TAFA5: variants seen among roughly 807,000 people sequenced by gnomAD.
The protein encoded by TAFA5 is TAFA chemokine like family member 5.
In TAFA5, 6 loss-of-function variants were observed where a neutral mutation model predicts 15.3. The observed-to-expected ratio is 0.39, with a 90% confidence interval of 0.21 to 0.77. TAFA5 has a LOEUF of 0.77. TAFA5 is among the 30% of genes least tolerant of loss of function. TAFA5 has a pLI of 0.41. For missense variants in TAFA5, 161 were observed against 193.1 expected, an observed-to-expected ratio of 0.83 and a Z score of 0.98; for synonymous variants, 103 against 80.7, an observed-to-expected ratio of 1.28 and a Z score of -1.48.
intron 2 of TAFA5, among the ~76,000 whole-genome samples, chr22:48,689,318 C>A (rs1928465635): frequency 6.6e-6 from 1 of 152,174 alleles, no homozygotes; most frequent in Admixed American, 6.5e-5. Flanking sequence ...CGCCTCTCAC[C>A]CACCTGCAAA....
chr22:48,651,144 G>C (rs2147205895), intron 2 of TAFA5, among the ~76,000 whole-genome samples: 1 of 152,234 alleles, frequency 6.6e-6, no homozygotes, highest in East Asian at 1.9e-4. Flanking sequence ...GGAAATCAAA[G>C]ACTGCAGCCC....
chr22:48,510,079 A>G (rs1285272335), intron 1 of TAFA5, among the ~76,000 whole-genome samples: 1 of 152,246 alleles, frequency 6.6e-6, no homozygotes, highest in African/African-American at 2.4e-5. Flanking sequence ...ACCCGAAACT[A>G]TGAAACTGCT....
At chr22:48,553,454 T>C (rs761522231) in intron 1 of TAFA5, among the ~76,000 whole-genome samples, 7 of 152,190 alleles carry the variant, frequency 4.6e-5, no homozygotes, top group Non-Finnish European at 8.8e-5. Flanking sequence ...CAGGCTTCCC[T>C]GGCCGCATGC....
At chr22:48,653,319 T>G (rs557433864) in intron 2 of TAFA5, among the ~76,000 whole-genome samples, 1 of 152,100 alleles carries the variant, frequency 6.6e-6, no homozygotes, top group African/African-American at 2.4e-5. Context: ...AGGAAGATGG[T>G]GGGAAGAGAC....
At chr22:48,581,931 T>G (rs1175893665) in intron 1 of TAFA5, among the ~76,000 whole-genome samples, 4 of 152,146 alleles carry the variant, frequency 2.6e-5, no homozygotes, top group African/African-American at 7.2e-5. Context: ...TGCACTGCGA[T>G]CTGAGCAGAC....
intron 3 of TAFA5, among the ~76,000 whole-genome samples, chr22:48,740,998 A>G (rs1206086323): frequency 6.6e-6 from 1 of 152,130 alleles, no homozygotes; most frequent in African/African-American, 2.4e-5. Context: ...TCATCCCTGT[A>G]GGAAGTGGAG....
intron 1 of TAFA5, chr22:48,576,414 G>A: frequency 7.9e-7 from 1 of 1,260,576 alleles, no homozygotes; most frequent in African/African-American, 1.6e-5. Context: ...ACCCGGCGGG[G>A]CGCTGATGCG....
chr22:48,746,966 A>C (rs1930346659), intron 3 of TAFA5, among the ~76,000 whole-genome samples: 1 of 152,164 alleles, frequency 6.6e-6, no homozygotes, highest in Non-Finnish European at 1.5e-5. Flanking sequence ...CCTCCCTTCC[A>C]GTAGGACCCT....
rs547091005 is a variant in TAFA5 at position 48,690,695 on chromosome 22, G to C, written c.263-17022G>C. ...TCTCTGTAGTGTAGCATCTTGGACT[G>C]ATGTAATCAGAGCTCTTGGGGACAG... On this transcript the variant is annotated intron_variant, in intron 2 of 3. Coordinates refer to ENST00000402357, the MANE Select transcript of TAFA5 (RefSeq NM_001082967.3). Among the ~76,000 whole-genome samples the C allele has an allele frequency of 4.6e-5, 7 of 152,342 alleles. No homozygotes were observed. In the South Asian group the frequency reaches 1.0e-3, roughly 23 times the overall value.
chr22:48,532,752 C>T (rs1473742811), intron 1 of TAFA5, among the ~76,000 whole-genome samples: 2 of 152,172 alleles, frequency 1.3e-5, no homozygotes, highest in African/African-American at 2.4e-5. Flanking sequence ...CTGGAAGGAC[C>T]CGGGCCACTT....
At chr22:48,557,459 G>GCTGGGGACAGGGCTGA (rs1214122782) in intron 1 of TAFA5, among the ~76,000 whole-genome samples, 1 of 152,220 alleles carries the variant, frequency 6.6e-6, no homozygotes, top group Non-Finnish European at 1.5e-5. Context: ...CCTGAGCGAT[G>GCTGGGGACAGGGCTGA]CTGGGGACAG....
At chr22:48,643,171 A>G (rs965903399) in intron 1 of TAFA5, among the ~76,000 whole-genome samples, 6 of 152,196 alleles carry the variant, frequency 3.9e-5, no homozygotes, top group Non-Finnish European at 8.8e-5. Flanking sequence ...CCCGGCTGCC[A>G]TGTGGATCTC....
At chr22:48,659,787 C>G (rs1012643054) in intron 2 of TAFA5, among the ~76,000 whole-genome samples, 1 of 152,096 alleles carries the variant, frequency 6.6e-6, no homozygotes, top group South Asian at 2.1e-4. Flanking sequence ...ACCAGCAGCC[C>G]CACAGCTGGC....
intron 1 of TAFA5, among the ~76,000 whole-genome samples, chr22:48,576,730 T>TACCAGGAGCCCGACCCC: frequency 6.6e-6 from 1 of 151,026 alleles, no homozygotes; most frequent in South Asian, 2.1e-4. Flanking sequence ...GGCGCGACCC[T>TACCAGGAGCCCGACCCC]ACCAGGAGCC....
chr22:48,748,930 A>C (rs1322744611), intron 3 of TAFA5, among the ~76,000 whole-genome samples: 1 of 152,154 alleles, frequency 6.6e-6, no homozygotes. Flanking sequence ...CCAGGGTCCC[A>C]TGATGAGTTT....
intron 1 of TAFA5, among the ~76,000 whole-genome samples, chr22:48,616,654 T>A (rs1925616689): frequency 1.3e-5 from 2 of 152,200 alleles, no homozygotes; most frequent in South Asian, 4.1e-4. Flanking sequence ...CTGCACTTTG[T>A]CCCACCAGAT....
chr22:48,701,897 G>A (rs769799044), intron 2 of TAFA5, among the ~76,000 whole-genome samples: 1 of 152,368 alleles, frequency 6.6e-6, no homozygotes, highest in Non-Finnish European at 1.5e-5. Context: ...CCACTGACGA[G>A]GGTCTAGGTG....
intron 2 of TAFA5, among the ~76,000 whole-genome samples, chr22:48,671,612 G>A (rs1927806393): frequency 6.6e-6 from 1 of 152,188 alleles, no homozygotes; most frequent in South Asian, 2.1e-4. Context: ...ATCCCAGTCA[G>A]CGAGCCTGAG....
At chr22:48,544,902 T>TC (rs78672876) in intron 1 of TAFA5, 30,411 of 470,830 alleles carry the variant, frequency 0.065, 2,445 homozygotes, top group East Asian at 0.24. Flanking sequence ...AGTCTGCATC[T>TC]GTCCCACCTC....
Sources: gnomAD v4.1 joint callset for allele counts (sites outside exome capture counted in the v4.1 genomes callset) on GRCh38, gnomAD v4.1.1 for gene constraint, MANE v1.5 for transcripts, NCBI Gene and HGNC (gene_info 2026-07-23, HGNC 2026-07-21) for gene names.